Variants in KANSL1 observed in about 807,000 individuals in gnomAD.
KANSL1 encodes the protein KAT8 regulatory NSL complex subunit 1.
A neutral mutation model predicts 103.6 loss-of-function variants in KANSL1; 22 were observed. The observed-to-expected ratio is 0.21, with a 90% CI of 0.15 to 0.30. The LOEUF is 0.30. KANSL1 is among the 10% of genes least tolerant of loss of function. The probability of loss-of-function intolerance (pLI) is 1.00; values close to 1 mark genes in which losing one functional copy is unlikely to be tolerated. For missense variants in KANSL1, 1,337 were observed against 1,399.8 expected, an observed-to-expected ratio of 0.96 and a Z score of 0.72; for synonymous variants, 600 against 527.6, an observed-to-expected ratio of 1.14 and a Z score of -1.88.
chr17:46,068,276 C>T (rs1356856011), intron 4 of KANSL1, among the ~76,000 whole-genome samples: 1 of 152,020 alleles, frequency 6.6e-6, no homozygotes, highest in Non-Finnish European at 1.5e-5. Flanking sequence ...TAAAAATATA[C>T]ACACAGGCCG....
At position 46,096,313 on chromosome 17, in the gene KANSL1, T is replaced by TTTTTTTTTTTTTTTTTTTTC. The variant is rs1568443405; in HGVS notation, c.1290-1613_1290-1612insGAAAAAAAAAAAAAAAAAAA. ...TACTACATACCTGGCTTTTTTTTCTTTTTTTTTTTTTTTTTTTTTGAGATG... is the reference window on the plus strand; with the variant it reads ...TACTACATACCTGGCTTTTTTTTCTTTTTTTTTTTTTTTTTTTTTCTTTTTTTTTTTTTTTTTTTGAGATG... On this transcript the variant is annotated intron_variant, in intron 2 of 14. Coordinates refer to ENST00000432791, the MANE Select transcript of KANSL1 (RefSeq NM_015443.4). Among the ~76,000 whole-genome samples, 2 of 90,282 alleles carry TTTTTTTTTTTTTTTTTTTTC rather than the reference T, an allele frequency of 2.2e-5. 1 individual carries two copies. The allele number at this position is 90,282 out of a possible 152,430, so 59.2% of individuals were successfully genotyped here.
chr17:46,138,427 T>A lies in KANSL1; in HGVS notation c.1289+32428A>T, dbSNP rs531848839. On this transcript the variant is annotated intron_variant, in intron 2 of 14. Coordinates refer to ENST00000432791, the MANE Select transcript of KANSL1 (RefSeq NM_015443.4). ...TTTACACTGTATTAGGTGTTATAAG[T>A]AATCTAGAGATGACAAAGCATACAG... is the stretch of plus-strand genomic sequence containing the variant. Among the ~76,000 whole-genome samples the A allele has an allele frequency of 2.1e-4, 32 of 152,364 alleles. No individual in the cohort carries two copies. In the South Asian group the frequency reaches 6.6e-3, roughly 32 times the overall value.
At chr17:46,068,914 T>C (rs1408401172) in intron 4 of KANSL1, among the ~76,000 whole-genome samples, 1 of 152,162 alleles carries the variant, frequency 6.6e-6, no homozygotes, top group Admixed American at 6.5e-5. Context: ...AGAAAGGCTA[T>C]GGGTCTTTGA....
chr17:46,067,103 G>C, intron 5 of KANSL1, among the ~76,000 whole-genome samples: 1 of 152,332 alleles, frequency 6.6e-6, no homozygotes, highest in Middle Eastern at 3.4e-3. Context: ...GGCTTCCTTA[G>C]AATCAGTTCT....
At chr17:46,036,236 G>A (rs2077145847) in intron 10 of KANSL1, among the ~76,000 whole-genome samples, 1 of 152,176 alleles carries the variant, frequency 6.6e-6, no homozygotes, top group Non-Finnish European at 1.5e-5. Context: ...TGTCTGGTTG[G>A]TTGGTTTTGT....
intron 2 of KANSL1, among the ~76,000 whole-genome samples, chr17:46,166,916 T>C (rs576674358): frequency 1.9e-3 from 292 of 152,136 alleles, no homozygotes; most frequent in Non-Finnish European, 3.2e-3. Flanking sequence ...ACAGAGAATA[T>C]CCTCAACAAT....
At chr17:46,215,683 C>T (rs978210794) in intron 1 of KANSL1, among the ~76,000 whole-genome samples, 3 of 152,204 alleles carry the variant, frequency 2.0e-5, no homozygotes, top group South Asian at 2.1e-4. Flanking sequence ...GTGACACTAC[C>T]GCTCACTAAG....
chr17:46,170,680 C>T (rs1343613405), intron 2 of KANSL1, 175 bp downstream of exon 2: 3 of 700,360 alleles, frequency 4.3e-6, no homozygotes, highest in Admixed American at 2.9e-5. Context: ...GCAAAAGTAT[C>T]TTCCCCTTCT....
At chr17:46,108,595 T>A (rs1019530045) in intron 2 of KANSL1, among the ~76,000 whole-genome samples, 1 of 152,206 alleles carries the variant, frequency 6.6e-6, no homozygotes, top group African/African-American at 2.4e-5. Context: ...CACCATAATA[T>A]CTCTGGGTGC....
chr17:46,053,701 T>C (rs2077811693), intron 6 of KANSL1, among the ~76,000 whole-genome samples: 1 of 152,318 alleles, frequency 6.6e-6, no homozygotes, highest in East Asian at 1.9e-4. Flanking sequence ...TCCCAAATGC[T>C]GGGATTATAG....
At chr17:46,169,787 G>T (rs910797986) in intron 2 of KANSL1, among the ~76,000 whole-genome samples, 1 of 152,170 alleles carries the variant, frequency 6.6e-6, no homozygotes, top group Non-Finnish European at 1.5e-5. Context: ...GCTGAATTGG[G>T]AGTGACAGGA....
In KANSL1 at chr17:46,173,405, T is replaced by A. The variant is rs974023877; in HGVS notation, c.-89-1173A>T. Among the ~76,000 whole-genome samples, 8 of 152,368 alleles carry A rather than the reference T, an allele frequency of 5.3e-5. No individual in the cohort carries two copies. In the South Asian group the frequency reaches 1.7e-3, roughly 32 times the overall value. Reference sequence around the variant, plus strand: ...CATTACCTTAAGTAATGACACTGCTTTTATTTAGTAACCAAGCTAAAAATC... The same window carrying A: ...CATTACCTTAAGTAATGACACTGCTATTATTTAGTAACCAAGCTAAAAATC... On this transcript the variant is annotated intron_variant, in intron 1 of 14. Transcript: ENST00000432791.
intron 2 of KANSL1, among the ~76,000 whole-genome samples, chr17:46,153,856 G>A (rs1384513467): frequency 1.3e-5 from 2 of 152,188 alleles, no homozygotes; most frequent in East Asian, 1.9e-4. Flanking sequence ...TCTAAGTCAG[G>A]TAAGAAAAGA....
intron 2 of KANSL1, among the ~76,000 whole-genome samples, chr17:46,161,250 T>TAAAAAAAA (rs534754110): frequency 1.4e-4 from 11 of 79,386 alleles, no homozygotes; most frequent in South Asian, 4.6e-4. Flanking sequence ...CCACCTCTAC[T>TAAAAAAAA]AAAAAAAAAA....
chr17:46,092,873 G>T (rs996390315), intron 3 of KANSL1: 1 of 152,042 alleles, frequency 6.6e-6, no homozygotes, highest in Non-Finnish European at 1.5e-5. Flanking sequence ...TTATGCCCTG[G>T]TTTAACTGAA....
At chr17:46,161,292 C>T (rs961069010) in intron 2 of KANSL1, among the ~76,000 whole-genome samples, 3 of 150,402 alleles carry the variant, frequency 2.0e-5, no homozygotes, top group African/African-American at 2.5e-5. Context: ...AAAAATTAGC[C>T]GGGTGTGGTG....
chr17:46,044,918 G>T (rs1297804710), intron 7 of KANSL1: 2 of 151,978 alleles, frequency 1.3e-5, no homozygotes, highest in African/African-American at 4.8e-5. Flanking sequence ...CCAGAAAACA[G>T]CTAAGTATCA....
chr17:46,050,764 T>C (rs567805097), intron 6 of KANSL1, 60 bp from the exon 7 acceptor site: 1 of 1,489,634 alleles, frequency 6.7e-7, no homozygotes, highest in Non-Finnish European at 9.2e-7. Flanking sequence ...CAGCTACCCA[T>C]TTGTTATCCC....
chr17:46,157,397 T>C (rs1282439528), intron 2 of KANSL1, among the ~76,000 whole-genome samples: 2 of 152,242 alleles, frequency 1.3e-5, no homozygotes, highest in Non-Finnish European at 2.9e-5. Context: ...CATCTAGTAA[T>C]ACCATCAGTA....
Sources: allele counts gnomAD v4.1 joint callset (sites outside exome capture counted in the v4.1 genomes callset), GRCh38; gene constraint gnomAD v4.1.1; transcripts MANE v1.5; gene names NCBI Gene and HGNC (gene_info 2026-07-23, HGNC 2026-07-21).